WDR12: variants seen among roughly 807,000 people sequenced by gnomAD.
The protein encoded by WDR12 is ribosome biogenesis protein WDR12.
WDR12 carries 42 observed loss-of-function variants against 64.3 expected under a neutral mutation model. The ratio of observed to expected loss-of-function variants is 0.65; its 90% CI spans 0.51 to 0.84. The LOEUF is 0.84. WDR12 is among the 40% of genes least tolerant of loss of function. The probability of loss-of-function intolerance (pLI) is 0.00; values close to 1 mark genes in which losing one functional copy is unlikely to be tolerated. For missense variants in WDR12, 469 were observed against 494.6 expected, an observed-to-expected ratio of 0.95 and a Z score of 0.49; for synonymous variants, 158 against 173.3, an observed-to-expected ratio of 0.91 and a Z score of 0.70.
At chr2:202,896,249 A>G (rs1445961235) in intron 5 of WDR12, 30 bp from the exon 6 acceptor site, 1 of 1,604,976 alleles carries the variant, frequency 6.2e-7, no homozygotes, top group Non-Finnish European at 8.5e-7. Flanking sequence ...AGAATAAGAA[A>G]CAAATCAGTA....
At chr2:202,899,668 G>A (rs1688316035) in intron 3 of WDR12, 31 bp from the exon 4 acceptor site, 1 of 1,591,142 alleles carries the variant, frequency 6.3e-7, no homozygotes, top group Non-Finnish European at 8.6e-7. Flanking sequence ...CAACAAGTCA[G>A]GTGGTCTAGT....
intron 2 of WDR12, among the ~76,000 whole-genome samples, chr2:202,905,513 TA>T (rs1376863227): frequency 1.3e-5 from 2 of 152,184 alleles, no homozygotes; most frequent in Admixed American, 1.3e-4. Flanking sequence ...GGACCCCTCA[TA>T]AACCTTGGTG....
Position 202,897,431 on chromosome 2 carries a change from A to ATT in WDR12, c.339-17_339-16insAA. Reference sequence around the variant, plus strand: ...AGTCAAGATCCTATGAGAAAAAAAAATCTTATGAAACACAAAAAGCAGTTT... The same window carrying ATT: ...AGTCAAGATCCTATGAGAAAAAAAAATTTCTTATGAAACACAAAAAGCAGTTT... On this transcript the variant is annotated splice_polypyrimidine_tract_variant and intron_variant, in intron 4 of 12. Coordinates refer to ENST00000261015, the MANE Select transcript of WDR12 (RefSeq NM_018256.4). The ATT allele has an allele frequency of 6.9e-7, 1 of 1,455,494 alleles. No homozygotes were observed. The highest frequency in any genetic ancestry group is 1.3e-5 in the South Asian group (1 of 75,032). The allele number at this position is 1,455,494 out of a possible 1,614,324, so 90.2% of individuals were successfully genotyped here. A position where few individuals can be genotyped will look rare whatever the true frequency, so the allele number is the denominator to read the frequency against.
chr2:202,880,756 A>G lies in WDR12; in HGVS notation c.*104T>C. 2 of 928,984 alleles carry G rather than the reference A, an allele frequency of 2.2e-6. No individual in the cohort carries two copies. The highest frequency in any genetic ancestry group is 3.2e-6 in the Non-Finnish European group (2 of 634,710). The allele number at this position is 928,984 out of a possible 1,614,324, so 57.5% of individuals were successfully genotyped here. On this transcript the variant is annotated 3_prime_UTR_variant, in exon 13 of 13. Coordinates refer to ENST00000261015, the MANE Select transcript of WDR12 (RefSeq NM_018256.4). ...GTTATGAAGGGTGAAAACATTATAT[A>G]AACTTCAAAAGGCTGCTTTCTGCAT...
At chr2:202,884,606 T>C in intron 8 of WDR12, 71 bp from the exon 9 acceptor site, 2 of 1,475,420 alleles carry the variant, frequency 1.4e-6, no homozygotes, top group Non-Finnish European at 1.8e-6. Flanking sequence ...ATAGTACTTA[T>C]TACTTACAAA....
intron 8 of WDR12, among the ~76,000 whole-genome samples, chr2:202,884,933 G>C (rs1688020708): frequency 6.6e-6 from 1 of 152,146 alleles, no homozygotes; most frequent in Admixed American, 6.5e-5. Context: ...CAATGGCCTT[G>C]GACTGATGGA....
At chr2:202,907,737 T>C (rs753740925) in intron 2 of WDR12, 128 bp downstream of exon 2, 2 of 699,302 alleles carry the variant, frequency 2.9e-6, no homozygotes, top group Non-Finnish European at 4.8e-6. Context: ...GAACCTGTAC[T>C]TTATAACTTA....
At chr2:202,881,962 G>GT (rs1687958316) in intron 12 of WDR12, among the ~76,000 whole-genome samples, 1 of 151,976 alleles carries the variant, frequency 6.6e-6, no homozygotes, top group Admixed American at 6.6e-5. Flanking sequence ...TTGAGACAGG[G>GT]TATCACTCTG....
At chr2:202,883,524 G>A (rs1311482098) in intron 11 of WDR12, 85 bp downstream of exon 11, 29 of 1,423,734 alleles carry the variant, frequency 2.0e-5, no homozygotes, top group Non-Finnish European at 2.6e-5. Flanking sequence ...TACTCTTCTG[G>A]TTTTAGATAA....
At chr2:202,892,541 A>G in intron 8 of WDR12, 76 bp downstream of exon 8, 1 of 999,536 alleles carries the variant, frequency 1.0e-6, no homozygotes, top group Non-Finnish European at 1.5e-6. Context: ...CATAAACAAA[A>G]AAGACCATAT....
intron 5 of WDR12, among the ~76,000 whole-genome samples, 189 bp downstream of exon 5, chr2:202,897,111 C>T (rs1050867977): frequency 6.6e-6 from 1 of 152,018 alleles, no homozygotes; most frequent in African/African-American, 2.4e-5. Context: ...AATAAAGATA[C>T]ACTTCTAACA....
intron 7 of WDR12, 22 bp from the exon 8 acceptor site, chr2:202,892,724 T>G: frequency 2.6e-6 from 4 of 1,564,628 alleles, no homozygotes; most frequent in East Asian, 2.3e-5. Flanking sequence ...AGAATTAGAT[T>G]TGACATTTTA....
At chr2:202,883,953 C>T (rs1228522502) in intron 10 of WDR12, among the ~76,000 whole-genome samples, 2 of 152,134 alleles carry the variant, frequency 1.3e-5, no homozygotes, top group Non-Finnish European at 2.9e-5. Context: ...GCTGGGATTA[C>T]AGGCACGCGC....
chr2:202,885,688 T>C (rs1688034434), intron 8 of WDR12, among the ~76,000 whole-genome samples: 1 of 152,190 alleles, frequency 6.6e-6, no homozygotes, highest in South Asian at 2.1e-4. Flanking sequence ...CCACAATCTC[T>C]AATGTCTTTC....
At chr2:202,908,930 T>C (rs1282085954) in intron 1 of WDR12, among the ~76,000 whole-genome samples, 2 of 152,166 alleles carry the variant, frequency 1.3e-5, no homozygotes, top group African/African-American at 2.4e-5. Context: ...AATGGCCCAA[T>C]AGGGACATGC....
intron 12 of WDR12, among the ~76,000 whole-genome samples, 184 bp downstream of exon 12, chr2:202,882,527 A>C (rs1687973101): frequency 6.6e-6 from 1 of 151,958 alleles, no homozygotes; most frequent in Non-Finnish European, 1.5e-5. Context: ...ACGGGGTTCC[A>C]CCTTGTTAGT....
chr2:202,892,073 C>A (rs1208241016), intron 8 of WDR12, among the ~76,000 whole-genome samples: 1 of 152,174 alleles, frequency 6.6e-6, no homozygotes, highest in Non-Finnish European at 1.5e-5. Context: ...TCATGTAGTA[C>A]ACGTTGAATA....
intron 8 of WDR12, among the ~76,000 whole-genome samples, chr2:202,887,746 G>C (rs1283098421): frequency 6.6e-6 from 1 of 151,300 alleles, no homozygotes; most frequent in Non-Finnish European, 1.5e-5. Flanking sequence ...AAATTAGCCG[G>C]GCGCGGTGGC....
chr2:202,880,897 T>G lies in WDR12; in HGVS notation c.1235A>C (p.Tyr412Ser). 6.2e-7 allele frequency: 1 copy of G among 1,610,382 alleles called. No homozygotes were observed. The highest frequency in any genetic ancestry group is 8.5e-7 in the Non-Finnish European group (1 of 1,178,214). Residue 412 changes from tyrosine to serine, a missense_variant, in exon 13 of 13, where the codon TAC becomes TCC. Tyr to Ser is a moderately radical substitution (Grantham distance 144). Transcript: ENST00000261015. The part of the protein sequence containing the change: ...SGGADNKLYS[Y>S]RYSPTTSHVG... ...ATGGGAAGTGGTAGGTGAATATCTGTAGGAATACAATTTATTGTCTGCTCC... is the reference window on the plus strand; with the variant it reads ...ATGGGAAGTGGTAGGTGAATATCTGGAGGAATACAATTTATTGTCTGCTCC...
Sources: gnomAD v4.1 joint callset for allele counts (sites outside exome capture counted in the v4.1 genomes callset) on GRCh38, gnomAD v4.1.1 for gene constraint, MANE v1.5 for transcripts, NCBI Gene and HGNC (gene_info 2026-07-23, HGNC 2026-07-21) for gene names.